Variants in SFMBT2 observed in about 807,000 individuals in gnomAD.
SFMBT2 encodes the protein scm-like with four MBT domains protein 2.
A neutral mutation model predicts 110.1 loss-of-function variants in SFMBT2; 38 were observed. That is an observed-to-expected ratio of 0.35 (90% CI 0.27 to 0.45). The LOEUF (loss-of-function observed/expected upper bound fraction) is 0.45, where lower values mean the gene tolerates loss of function less well. Ranked by LOEUF, SFMBT2 falls within the 20% of genes least tolerant of loss-of-function variation. The pLI, the probability that SFMBT2 is intolerant of heterozygous loss-of-function variation, is 1.00. For synonymous variants in SFMBT2, 425 were observed against 425.4 expected, an observed-to-expected ratio of 1.00 and a Z score of 0.01; for missense variants, 1,011 against 1,094.9, an observed-to-expected ratio of 0.92 and a Z score of 1.08.
intron 11 of SFMBT2, chr10:7,206,898 C>G: frequency 6.1e-6 from 6 of 985,392 alleles, no homozygotes; most frequent in Non-Finnish European, 7.2e-6. Context: ...CTTAGTCCAG[C>G]CCTGCTTGGT....
chr10:7,258,576 T>A (rs146865438), intron 7 of SFMBT2, among the ~76,000 whole-genome samples: 2 of 152,246 alleles, frequency 1.3e-5, no homozygotes, highest in African/African-American at 4.8e-5. Flanking sequence ...TAGGCTTCAG[T>A]GAAGTCAATG....
chr10:7,229,657 T>A (rs1223133926), intron 9 of SFMBT2, among the ~76,000 whole-genome samples: 2 of 150,948 alleles, frequency 1.3e-5, no homozygotes, highest in African/African-American at 2.4e-5. Context: ...CCTCCACTTG[T>A]ATTCCCAAGC....
intron 1 of SFMBT2, among the ~76,000 whole-genome samples, chr10:7,404,538 C>A (rs1846162477): frequency 6.6e-6 from 1 of 152,206 alleles, no homozygotes; most frequent in African/African-American, 2.4e-5. Context: ...CAGTTGCTAA[C>A]ATTATTTGTC....
chr10:7,400,292 TTCAG>T (rs1588512246), intron 1 of SFMBT2, among the ~76,000 whole-genome samples: 2 of 152,068 alleles, frequency 1.3e-5, no homozygotes, highest in Non-Finnish European at 2.9e-5. Context: ...CACAGCACAG[TTCAG>T]TCAGTCTTAA....
chr10:7,267,591 T>C (rs1841435174), intron 7 of SFMBT2, among the ~76,000 whole-genome samples: 1 of 152,164 alleles, frequency 6.6e-6, no homozygotes, highest in African/African-American at 2.4e-5. Context: ...GAGATGTGGT[T>C]TCACCATGTT....
intron 7 of SFMBT2, among the ~76,000 whole-genome samples, chr10:7,276,239 A>T (rs1841770624): frequency 6.6e-6 from 1 of 152,214 alleles, no homozygotes; most frequent in South Asian, 2.1e-4. Context: ...AAGAAAACTG[A>T]ACCACCACGA....
At chr10:7,217,957 T>G (rs941814318) in intron 11 of SFMBT2, among the ~76,000 whole-genome samples, 1 of 152,200 alleles carries the variant, frequency 6.6e-6, no homozygotes, top group African/African-American at 2.4e-5. Context: ...CTCATGTAGT[T>G]TATTCATTGC....
rs186810884 is a variant in SFMBT2, at chr10:7,384,901, A to C, written c.-51-2952T>G. On this transcript the variant is annotated intron_variant, in intron 1 of 20. Transcript: ENST00000397167. ...ATTGGCGGCCACAGAACTAAACATC[A>C]CCTAACACCGAACTGACCTGCTCAC... is the stretch of plus-strand genomic sequence containing the variant. 6.2e-4 allele frequency among the ~76,000 whole-genome samples: 94 copies of C among 152,212 alleles called. 1 individual carries two copies. In the East Asian group the frequency reaches 0.016, roughly 25 times the overall value.
chr10:7,320,504 G>C (rs10752106), intron 4 of SFMBT2: 548 of 722,684 alleles, frequency 7.6e-4, no homozygotes, highest in Non-Finnish European at 8.8e-4. Context: ...TTTTCCTGGA[G>C]AATCACTGGA....
At chr10:7,363,497 C>T (rs1013302971) in intron 4 of SFMBT2, among the ~76,000 whole-genome samples, 13 of 152,012 alleles carry the variant, frequency 8.6e-5, no homozygotes, top group African/African-American at 1.4e-4. Context: ...TACAGGCATG[C>T]GCCACCACGC....
chr10:7,359,495 A>G (rs1844645891), intron 4 of SFMBT2, among the ~76,000 whole-genome samples: 2 of 152,256 alleles, frequency 1.3e-5, no homozygotes, highest in African/African-American at 4.8e-5. Flanking sequence ...TCAGAATCAA[A>G]CACATGCTTG....
In SFMBT2 at chr10:7,163,447, C is replaced by T; in HGVS notation, c.*323G>A. On this transcript the variant is annotated 3_prime_UTR_variant, in exon 21 of 21. Coordinates refer to ENST00000397167, the MANE Select transcript of SFMBT2 (RefSeq NM_001387889.1). The surrounding 1 kb of genome is among the most constrained non-coding windows in gnomAD (Gnocchi z 4.8). ...TGTTTTCAAAGAATGCAGTCCTCAT[C>T]TGAGGAAACCCTGCTCCAAGGGAGC... is the stretch of plus-strand genomic sequence containing the variant. The T allele has an allele frequency of 3.5e-6, 1 of 288,198 alleles. No homozygotes were observed. The highest frequency in any genetic ancestry group is 6.5e-6 in the Non-Finnish European group (1 of 152,704). The allele number at this position is 288,198 out of a possible 1,614,324, so 17.9% of individuals were successfully genotyped here.
intron 10 of SFMBT2, among the ~76,000 whole-genome samples, chr10:7,225,720 T>C (rs1178962940): frequency 1.3e-5 from 2 of 152,138 alleles, no homozygotes; most frequent in Non-Finnish European, 2.9e-5. Context: ...GCAAGGACTA[T>C]ACTGCCATAG....
chr10:7,183,336 G>C (rs954797687), intron 16 of SFMBT2, among the ~76,000 whole-genome samples: 2 of 152,168 alleles, frequency 1.3e-5, no homozygotes, highest in African/African-American at 4.8e-5. Context: ...TACAAGCTGA[G>C]CACATCAGGA....
In SFMBT2 at chr10:7,185,434, T is replaced by C. The variant is rs115970714; in HGVS notation, c.1808+3190A>G. On this transcript the variant is annotated intron_variant, in intron 16 of 20. Transcript: ENST00000397167. ...TACCTGCGACAGTTCATAAGACAAA[T>C]GCTTGCGTAAAAGGACAAAAATTAA... Among the ~76,000 whole-genome samples, 535 of 152,298 alleles carry C rather than the reference T, an allele frequency of 3.5e-3. 2 individuals are homozygous for C. Among genetic ancestry groups the C allele is most frequent in the African/African-American group, 0.012 (498 of 41,558 alleles).
chr10:7,331,085 C>G (rs1315448678), intron 4 of SFMBT2, among the ~76,000 whole-genome samples: 1 of 152,212 alleles, frequency 6.6e-6, no homozygotes, highest in African/African-American at 2.4e-5. Flanking sequence ...AGTTAATATT[C>G]CTCTGTGACT....
Position 7,284,261 on chromosome 10 carries a change from C to A in SFMBT2, c.526-111G>T, listed in dbSNP as rs543239660. 6 of 1,513,774 alleles carry A rather than the reference C, an allele frequency of 4.0e-6. No homozygotes were observed. In the South Asian group the frequency reaches 8.1e-5, roughly 21 times the overall value. The allele number at this position is 1,513,774 out of a possible 1,614,324, so 93.8% of individuals were successfully genotyped here. ...TTCACACCATCATCCAAGGTACTGG[C>A]GAACAGTCTGGCGTTCCCTCCACCC... is the stretch of plus-strand genomic sequence containing the variant. On this transcript the variant is annotated intron_variant, in intron 5 of 20. Coordinates refer to ENST00000397167, the MANE Select transcript of SFMBT2 (RefSeq NM_001387889.1).
chr10:7,294,222 C>G (rs1842340468), intron 4 of SFMBT2, among the ~76,000 whole-genome samples: 1 of 152,192 alleles, frequency 6.6e-6, no homozygotes, highest in Admixed American at 6.5e-5. Context: ...ATGGAAGGAT[C>G]CTTCCAATAA....
intron 7 of SFMBT2, among the ~76,000 whole-genome samples, chr10:7,263,439 A>G (rs954018400): frequency 1.3e-5 from 2 of 152,046 alleles, no homozygotes; most frequent in East Asian, 3.9e-4. Flanking sequence ...ACAGGGTTTC[A>G]CCATGTTAGC....
Sources: allele counts gnomAD v4.1 joint callset (sites outside exome capture counted in the v4.1 genomes callset), GRCh38; gene constraint gnomAD v4.1.1; non-coding constraint Gnocchi (gnomAD v3.1); transcripts MANE v1.5; gene names NCBI Gene and HGNC (gene_info 2026-07-23, HGNC 2026-07-21).